Variants in MUC5AC observed in about 807,000 individuals in gnomAD.
The protein encoded by MUC5AC is mucin-5AC.
A neutral mutation model predicts 169.7 loss-of-function variants in MUC5AC; 158 were observed. The observed-to-expected ratio is 0.93, with a 90% CI of 0.82 to 1.06. The LOEUF is 1.06. MUC5AC is among the 50% of genes least tolerant of loss of function. The pLI is 0.00. For synonymous variants in MUC5AC, 1,975 were observed against 1,237.0 expected, an observed-to-expected ratio of 1.60 and a Z score of -12.52; for missense variants, 4,359 against 3,089.9, an observed-to-expected ratio of 1.41 and a Z score of -9.74.
chr11:1,181,532 C>A (rs914440851), intron 30 of MUC5AC, 73 bp downstream of exon 30: 9 of 397,714 alleles, frequency 2.3e-5, no homozygotes, highest in African/African-American at 1.9e-4. Flanking sequence ...CCTTGCTGGA[C>A]GCTGAGGTCA....
intron 1 of MUC5AC, among the ~76,000 whole-genome samples, chr11:1,158,805 C>T (rs946107016): frequency 4.6e-5 from 7 of 152,186 alleles, no homozygotes; most frequent in African/African-American, 1.4e-4. Context: ...TCAGCACTGC[C>T]GAGACCGCCA....
chr11:1,165,533 G>A, intron 10 of MUC5AC, 89 bp from the exon 11 acceptor site: 1 of 1,589,438 alleles, frequency 6.3e-7, no homozygotes, highest in South Asian at 1.1e-5. Context: ...AGGCAGGCCT[G>A]GGGTGAGACC....
chr11:1,172,772 G>A (rs1014578315), intron 16 of MUC5AC, among the ~76,000 whole-genome samples: 5 of 135,692 alleles, frequency 3.7e-5, no homozygotes, highest in South Asian at 2.6e-4. Context: ...TCACTCACCC[G>A]TTCACCCATT....
chr11:1,173,578 C>T lies in MUC5AC; in HGVS notation c.1966-918C>T, dbSNP rs1167397880. On this transcript the variant is annotated intron_variant, in intron 16 of 48. Transcript: ENST00000621226. ...TCCTTCACCTACTCATTCATCCACT[C>T]ACTCACCCACTCACTCATCCACTCA... 9.4e-5 allele frequency among the ~76,000 whole-genome samples: 4 copies of T among 42,472 alleles called. No homozygotes were observed. In the African/African-American group the frequency reaches 1.2e-3, roughly 12 times the overall value. 27.9% of individuals were successfully genotyped at this position (42,472 alleles called of 152,430 possible). A position where few individuals can be genotyped will look rare whatever the true frequency, so the allele number is the denominator to read the frequency against.
chr11:1,172,781 TTCACTCACCCAC>T (rs1860577983), intron 16 of MUC5AC, among the ~76,000 whole-genome samples: 1 of 145,476 alleles, frequency 6.9e-6, no homozygotes, highest in Non-Finnish European at 1.5e-5. Context: ...CGTTCACCCA[TTCACTCACCCAC>T]TCACTCACCC....
chr11:1,174,400 A>G, intron 16 of MUC5AC, 96 bp from the exon 17 acceptor site: 1 of 710,380 alleles, frequency 1.4e-6, no homozygotes, highest in Non-Finnish European at 2.3e-6. Context: ...CTGGGATGGG[A>G]GGACCCTGGC....
At chr11:1,168,035 G>A in intron 12 of MUC5AC, 48 bp downstream of exon 12, 1 of 1,478,398 alleles carries the variant, frequency 6.8e-7, no homozygotes, top group Non-Finnish European at 9.2e-7. Flanking sequence ...GAAGGGGCCT[G>A]TCTCTTCTGC....
At position 1,189,428 on chromosome 11, in the gene MUC5AC, G is replaced by A. The variant is rs1471754393; in HGVS notation, c.11283G>A (p.Thr3761=). 27 of 372,934 alleles carry A rather than the reference G, an allele frequency of 7.2e-5. No homozygotes were observed. Among genetic ancestry groups the A allele is most frequent in the South Asian group, 3.7e-4 (6 of 16,040 alleles). 23.1% of individuals were successfully genotyped at this position (372,934 alleles called of 1,614,324 possible). ...STTSAPTAST[T]SAPTSTSSAP... is the part of the protein sequence containing the mutation. ...CCTCTGCTCCCACAGCCAGCACAAC[G>A]TCAGCTCCTACGAGCACTTCCTCGG... Residue 3761 remains threonine (T), a synonymous_variant, in exon 31 of 49, where the codon ACG becomes ACA. Transcript: ENST00000621226.
chr11:1,192,545 G>T lies in MUC5AC; in HGVS notation c.14380+20G>T. The T allele has an allele frequency of 1.3e-6, 1 of 762,052 alleles. No individual in the cohort carries two copies. The highest frequency in any genetic ancestry group is 1.3e-5 in the South Asian group (1 of 74,488). 47.2% of individuals were successfully genotyped at this position (762,052 alleles called of 1,614,324 possible). ...CTGCAGGTTCGTGAGTGTTTCTGGT[G>T]CAATTGTTTCTGAGCTCACCCTGGT... On this transcript the variant is annotated intron_variant, in intron 31 of 48. Transcript: ENST00000621226.
chr11:1,192,097 A>G lies in MUC5AC; in HGVS notation c.13952A>G (p.Lys4651Arg), dbSNP rs765120369. ...FPSPGPHGGD[K>R]ETYNNIIRSG... ...TCCCCTGGACCCCACGGCGGGGACA[A>G]GGAAACCTACAACAACATCATCAGG... The change falls in exon 31 of 49, where the codon AAG (lysine) becomes AGG (arginine). Residue 4651 changes from lysine (K) to arginine (R), a missense_variant. Lys to Arg is a conservative substitution (Grantham distance 26). Transcript: ENST00000621226. 1.3e-5 allele frequency: 10 copies of G among 765,098 alleles called. No homozygotes were observed. In the Admixed American group the frequency reaches 1.7e-4, roughly 13 times the overall value. 47.4% of individuals were successfully genotyped at this position (765,098 alleles called of 1,614,324 possible). A position where few individuals can be genotyped will look rare whatever the true frequency, so the allele number is the denominator to read the frequency against.
Position 1,186,134 on chromosome 11 carries a change from T to C in MUC5AC, c.7989T>C (p.Val2663=), listed in dbSNP as rs1416974532. Residue 2663 remains valine (V), a synonymous_variant, in exon 31 of 49, where the codon GTT becomes GTC. Transcript: ENST00000621226. ...GTCCTGGAACTACTCCCAGCCCTGTTCCTACCACCAGCACAATCTCTGTTC... is the reference window on the plus strand; with the variant it reads ...GTCCTGGAACTACTCCCAGCCCTGTCCCTACCACCAGCACAATCTCTGTTC... ...TSGPGTTPSP[V]PTTSTISVPT... is the part of the protein sequence containing the mutation. 5 of 745,598 alleles carry C rather than the reference T, an allele frequency of 6.7e-6. No homozygotes were observed. Among genetic ancestry groups the C allele is most frequent in the Non-Finnish European group, 1.2e-5 (5 of 407,766 alleles). The allele number at this position is 745,598 out of a possible 1,614,324, so 46.2% of individuals were successfully genotyped here. A position where few individuals can be genotyped will look rare whatever the true frequency, so the allele number is the denominator to read the frequency against.
chr11:1,183,767 C>T lies in MUC5AC; in HGVS notation c.5622C>T (p.Thr1874=), dbSNP rs1383318325. 4 of 463,654 alleles carry T rather than the reference C, an allele frequency of 8.6e-6. No homozygotes were observed. Among genetic ancestry groups the T allele is most frequent in the Non-Finnish European group, 1.5e-5 (4 of 267,058 alleles). The allele number at this position is 463,654 out of a possible 1,614,324, so 28.7% of individuals were successfully genotyped here. ...TPSTTSKTTE[T]QASGSSAPSS... is the part of the protein sequence containing the mutation. ...CAACAACCTCCAAGACCACTGAAAC[C>T]CAGGCCTCAGGCTCCTCAGCCCCCA... The change falls in exon 31 of 49, where the codon ACC becomes ACT. Residue 1874 remains threonine, a synonymous_variant. Coordinates refer to ENST00000621226, the MANE Select transcript of MUC5AC (RefSeq NM_001304359.2).
At chr11:1,158,096 C>G (rs762862822) in intron 1 of MUC5AC, 24 bp downstream of exon 1, 2 of 1,578,066 alleles carry the variant, frequency 1.3e-6, no homozygotes, top group African/African-American at 1.3e-5. Context: ...CCTGGCCGCT[C>G]TACTGGTCCT....
Position 1,190,585 on chromosome 11 carries a change from C to T in MUC5AC, c.12440C>T (p.Ser4147Phe). Reference sequence around the variant, plus strand: ...TCAGCTCCTACACACAGAACGACTTCTGGTCCTACAACCAGCACAACCTTG... The same window carrying T: ...TCAGCTCCTACACACAGAACGACTTTTGGTCCTACAACCAGCACAACCTTG... Reference protein sequence around the residue: ...TTSAPTHRTTSGPTTSTTLAP... With the variant: ...TTSAPTHRTTFGPTTSTTLAP... The change falls in exon 31 of 49, where the codon TCT becomes TTT. Residue 4147 changes from serine to phenylalanine, a missense_variant. Transcript: ENST00000621226. 1 of 695,816 alleles carries T rather than the reference C, an allele frequency of 1.4e-6. No homozygotes were observed. Among genetic ancestry groups the T allele is most frequent in the South Asian group, 1.5e-5 (1 of 66,152 alleles). The allele number at this position is 695,816 out of a possible 1,614,324, so 43.1% of individuals were successfully genotyped here. A position where few individuals can be genotyped will look rare whatever the true frequency, so the allele number is the denominator to read the frequency against.
intron 16 of MUC5AC, among the ~76,000 whole-genome samples, chr11:1,172,894 CCACT>C (rs1428209687): frequency 1.4e-5 from 2 of 143,778 alleles, no homozygotes; most frequent in Admixed American, 1.4e-4. Flanking sequence ...ATTTGCCCCC[CCACT>C]CACTCACCTA....
At chr11:1,164,347 A>T in intron 8 of MUC5AC, 28 bp downstream of exon 8, 1 of 1,611,374 alleles carries the variant, frequency 6.2e-7, no homozygotes, top group South Asian at 1.1e-5. Flanking sequence ...CTGTCCCCCA[A>T]CCCCTTTGGC....
intron 15 of MUC5AC, among the ~76,000 whole-genome samples, chr11:1,171,355 T>C (rs1860523453): frequency 9.2e-5 from 10 of 108,866 alleles, no homozygotes; most frequent in South Asian, 3.6e-4. Context: ...ACTCACTCAC[T>C]CACCCACTCA....
In MUC5AC at chr11:1,179,198, C is replaced by T. The variant is rs1564912106; in HGVS notation, c.3434C>T (p.Ala1145Val). 1.5e-6 allele frequency: 1 copy of T among 678,962 alleles called. No homozygotes were observed. Among genetic ancestry groups the T allele is most frequent in the East Asian group, 2.7e-5 (1 of 36,960 alleles). The allele number at this position is 678,962 out of a possible 1,614,324, so 42.1% of individuals were successfully genotyped here. A position where few individuals can be genotyped will look rare whatever the true frequency, so the allele number is the denominator to read the frequency against. ...ACGGCTGTGGCCGCCTACGCCCAGG[C>T]CTGCCATGAAGTAGGCCTGTGTGTG... The part of the protein sequence containing the change: ...FCTAVAAYAQ[A>V]CHEVGLCVSW... Residue 1145 changes from alanine (A) to valine (V), a missense_variant, in exon 26 of 49, where the codon GCC (alanine) becomes GTC (valine). Transcript: ENST00000621226.
intron 15 of MUC5AC, among the ~76,000 whole-genome samples, chr11:1,171,966 C>CTCAT (rs1451690854): frequency 2.6e-5 from 4 of 152,212 alleles, no homozygotes; most frequent in Admixed American, 1.3e-4. Flanking sequence ...CACTCACTCA[C>CTCAT]TCACTCACTC....
Sources: allele counts gnomAD v4.1 joint callset (sites outside exome capture counted in the v4.1 genomes callset), GRCh38; gene constraint gnomAD v4.1.1; transcripts MANE v1.5; gene names NCBI Gene and HGNC (gene_info 2026-07-23, HGNC 2026-07-21).